ZNF71: variants seen among roughly 807,000 people sequenced by gnomAD.
ZNF71 encodes the protein zinc finger protein 71, also known as endothelial zinc finger protein induced by tumor necrosis factor alpha.
A neutral mutation model predicts 6.7 loss-of-function variants in ZNF71; 3 were observed. The ratio of observed to expected loss-of-function variants is 0.45; its 90% CI spans 0.20 to 1.16. The LOEUF is 1.16. ZNF71 is among the 50% of genes most tolerant of loss of function. The pLI is 0.25. For missense variants in ZNF71, 688 were observed against 728.6 expected, an observed-to-expected ratio of 0.94 and a Z score of 0.64; for synonymous variants, 343 against 311.1, an observed-to-expected ratio of 1.10 and a Z score of -1.08.
rs770620543 is a variant in ZNF71 at position 56,622,451 on chromosome 19, G to A, written c.1344G>A (p.Lys448=). 3 of 1,611,344 alleles carry A rather than the reference G, an allele frequency of 1.9e-6. No homozygotes were observed. The highest frequency in any genetic ancestry group is 2.2e-5 in the East Asian group (1 of 44,688). The change falls in exon 4 of 4, where the codon AAG becomes AAA. Residue 448 remains lysine, a synonymous_variant. Coordinates refer to ENST00000599599, the MANE Select transcript of ZNF71 (RefSeq NM_001370215.1). ...AGCCCTACGAGTGCTACATCTGCAA[G>A]AAGCACTTCACGGGGCGCTCGTCCC... is the stretch of plus-strand genomic sequence containing the variant. ...GEKPYECYIC[K]KHFTGRSSLI...
At chr19:56,621,217 C>T (rs1363830837) in intron 3 of ZNF71, 51 bp from the exon 4 acceptor site, 51 of 1,500,582 alleles carry the variant, frequency 3.4e-5, no homozygotes, top group Non-Finnish European at 3.8e-5. Flanking sequence ...TTCCTCACTC[C>T]CAGCATCTTT....
rs946092421 is a variant in ZNF71, at chr19:56,618,980, G to A, written c.161-2288G>A. Among the ~76,000 whole-genome samples the A allele has an allele frequency of 1.4e-4, 21 of 152,250 alleles. No homozygotes were observed. Among genetic ancestry groups the A allele is most frequent in the African/African-American group, 3.9e-4 (16 of 41,530 alleles). ...GCTGTCGCATTTCAGGCAAGGACCCGTGGTGGCCAGCCGGCTTTTTGTCAG... is the reference window on the plus strand; with the variant it reads ...GCTGTCGCATTTCAGGCAAGGACCCATGGTGGCCAGCCGGCTTTTTGTCAG... On this transcript the variant is annotated intron_variant, in intron 3 of 3. Transcript: ENST00000599599. This position sits in a 1 kb window ranked among gnomAD's most constrained non-coding sequence, Gnocchi z 4.6.
chr19:56,601,789 T>A (rs1295087565), intron 2 of ZNF71, among the ~76,000 whole-genome samples, 198 bp downstream of exon 2: 4 of 152,130 alleles, frequency 2.6e-5, no homozygotes, highest in South Asian at 4.1e-4. Context: ...AGCTTTGGAA[T>A]GGCCAAACTA....
At chr19:56,621,220 GCATCTTTAA>G in intron 3 of ZNF71, 39 bp from the exon 4 acceptor site, 4 of 1,505,150 alleles carry the variant, frequency 2.7e-6, no homozygotes, top group Non-Finnish European at 8.9e-7. Context: ...CTCACTCCCA[GCATCTTTAA>G]CTACATGTAT....
intron 2 of ZNF71, among the ~76,000 whole-genome samples, chr19:56,610,696 A>G (rs1444316708): frequency 6.6e-6 from 1 of 152,258 alleles, no homozygotes; most frequent in East Asian, 1.9e-4. Context: ...CACTCCATAG[A>G]CATTGTCCCA....
intron 2 of ZNF71, among the ~76,000 whole-genome samples, 164 bp downstream of exon 2, chr19:56,601,755 G>T (rs2044672427): frequency 6.6e-6 from 1 of 152,090 alleles, no homozygotes; most frequent in African/African-American, 2.4e-5. Flanking sequence ...CCCTGGCTGT[G>T]GGGTCAGTTG....
At chr19:56,612,223 A>G (rs1016529656) in intron 2 of ZNF71, among the ~76,000 whole-genome samples, 3 of 152,230 alleles carry the variant, frequency 2.0e-5, no homozygotes, top group African/African-American at 4.8e-5. Context: ...ATAAGTATTT[A>G]TATCAAAAAG....
intron 2 of ZNF71, among the ~76,000 whole-genome samples, chr19:56,612,163 T>C (rs1169927447): frequency 2.0e-5 from 3 of 152,128 alleles, no homozygotes; most frequent in Non-Finnish European, 1.5e-5. Context: ...TAAAAGTAGA[T>C]CTCCCATTTG....
At chr19:56,615,708 C>T (rs769000646) in intron 3 of ZNF71, among the ~76,000 whole-genome samples, 12 of 152,022 alleles carry the variant, frequency 7.9e-5, no homozygotes, top group Non-Finnish European at 1.2e-4. Flanking sequence ...AGATATATGC[C>T]GTGCAAATAT....
intron 3 of ZNF71, among the ~76,000 whole-genome samples, chr19:56,619,044 G>A (rs534954905): frequency 3.9e-5 from 6 of 152,252 alleles, no homozygotes; most frequent in Non-Finnish European, 5.9e-5. Context: ...GGCTGTTTGC[G>A]CACAGCAATG....
chr19:56,619,136 T>C (rs2044822230), intron 3 of ZNF71, among the ~76,000 whole-genome samples: 2 of 152,238 alleles, frequency 1.3e-5, no homozygotes, highest in Admixed American at 6.5e-5. Flanking sequence ...TTTTAAATTT[T>C]ATATTTAAAA....
chr19:56,621,640 G>C lies in ZNF71; in HGVS notation c.533G>C (p.Ser178Thr). ...AACTTCTCCAGCACTTCAGACCTCA[G>C]TAAGCCCCCCATGCCCTGCGAGGAG... Reference protein sequence around the residue: ...GKNFSSTSDLSKPPMPCEEKK... With the variant: ...GKNFSSTSDLTKPPMPCEEKK... The change falls in exon 4 of 4, where the codon AGT becomes ACT. Residue 178 changes from serine to threonine, a missense_variant. Physicochemically the swap from Ser to Thr is moderately conservative, Grantham distance 58. Coordinates refer to ENST00000599599, the MANE Select transcript of ZNF71 (RefSeq NM_001370215.1). The C allele has an allele frequency of 6.2e-7, 1 of 1,614,234 alleles. No individual in the cohort carries two copies.
chr19:56,601,651 C>T (rs1363907504), intron 2 of ZNF71, 60 bp downstream of exon 2: 8 of 976,262 alleles, frequency 8.2e-6, no homozygotes, highest in Non-Finnish European at 9.7e-6. Context: ...TTGGGTGAGC[C>T]TCTGCTGCTC....
chr19:56,605,885 A>C lies in ZNF71; in HGVS notation c.33+4294A>C, dbSNP rs1024418846. ...CAAACTAAACTGCTCCTTGGCTGTG[A>C]TGCCAGCTAGATTGGTATTATACAT... On this transcript the variant is annotated intron_variant, in intron 2 of 3. Coordinates refer to ENST00000599599, the MANE Select transcript of ZNF71 (RefSeq NM_001370215.1). Among the ~76,000 whole-genome samples, 6 of 152,232 alleles carry C rather than the reference A, an allele frequency of 3.9e-5. No individual in the cohort carries two copies. In the East Asian group the frequency reaches 1.2e-3, roughly 29 times the overall value.
At chr19:56,601,674 A>G in intron 2 of ZNF71, 83 bp downstream of exon 2, 1 of 899,138 alleles carries the variant, frequency 1.1e-6, no homozygotes, top group Non-Finnish European at 1.3e-6. Flanking sequence ...ACCCTCTCCA[A>G]GGCCCCCAGT....
chr19:56,622,147 A>T lies in ZNF71; in HGVS notation c.1040A>T (p.Glu347Val), dbSNP rs748259634. Residue 347 changes from glutamate (E) to valine (V), a missense_variant, in exon 4 of 4, where the codon GAG becomes GTG. Physicochemically the swap from Glu to Val is moderately radical, Grantham distance 121. Transcript: ENST00000599599. ...RAFSQNMHLT[E>V]HQRTHTGEKP... The stretch of plus-strand genomic sequence containing the variant: ...TTCAGCCAGAACATGCACCTGACCG[A>T]GCACCAGCGCACGCACACCGGGGAG... The T allele has an allele frequency of 6.2e-7, 1 of 1,602,536 alleles. No homozygotes were observed. Among genetic ancestry groups the T allele is most frequent in the South Asian group, 1.1e-5 (1 of 90,494 alleles).
In ZNF71 at chr19:56,603,904, A is replaced by G; in HGVS notation, c.33+2313A>G. On this transcript the variant is annotated intron_variant, in intron 2 of 3. Transcript: ENST00000599599. This position sits in a 1 kb window ranked among gnomAD's most constrained non-coding sequence, Gnocchi z 4.6. ...GTTTGTGTCATTAGACAGGAAACCG[A>G]AAAAGATGGAGTACTAGAAAAAGGG... 6.6e-6 allele frequency among the ~76,000 whole-genome samples: 1 copy of G among 151,996 alleles called. No individual in the cohort carries two copies. The highest frequency in any genetic ancestry group is 2.4e-5 in the African/African-American group (1 of 41,344).
In ZNF71 at chr19:56,622,410, A is replaced by G. The variant is rs767713330; in HGVS notation, c.1303A>G (p.Ile435Val). 4.3e-6 allele frequency: 7 copies of G among 1,613,994 alleles called. No homozygotes were observed. Among genetic ancestry groups the G allele is most frequent in the Admixed American group, 1.7e-5 (1 of 60,012 alleles). The change falls in exon 4 of 4, where the codon ATC becomes GTC. Residue 435 changes from isoleucine to valine, a missense_variant. Coordinates refer to ENST00000599599, the MANE Select transcript of ZNF71 (RefSeq NM_001370215.1). ...CTCCTCGCTCACGCAGCACCAGCGC[A>G]TCCACACCGGCGAGAAGCCCTACGA... is the stretch of plus-strand genomic sequence containing the variant. ...KNSSLTQHQR[I>V]HTGEKPYECY...
At position 56,622,203 on chromosome 19, in the gene ZNF71, G is replaced by T. The variant is rs201233218; in HGVS notation, c.1096G>T (p.Ala366Ser). 2 of 1,613,444 alleles carry T rather than the reference G, an allele frequency of 1.2e-6. No individual in the cohort carries two copies. Among genetic ancestry groups the T allele is most frequent in the East Asian group, 4.5e-5 (2 of 44,766 alleles). The change falls in exon 4 of 4, where the codon GCC becomes TCC. Residue 366 changes from alanine to serine, a missense_variant. Physicochemically the swap from Ala to Ser is moderately conservative, Grantham distance 99 (BLOSUM62 1). Coordinates refer to ENST00000599599, the MANE Select transcript of ZNF71 (RefSeq NM_001370215.1). ...GTACGCCTGCAAGGAGTGCGGCAAGGCCTTCAACAAGAGCTCCTCGCTCAC... is the reference window on the plus strand; with the variant it reads ...GTACGCCTGCAAGGAGTGCGGCAAGTCCTTCAACAAGAGCTCCTCGCTCAC... ...KPYACKECGK[A>S]FNKSSSLTLH...
Sources: allele counts gnomAD v4.1 joint callset (sites outside exome capture counted in the v4.1 genomes callset), GRCh38; gene constraint gnomAD v4.1.1; non-coding constraint Gnocchi (gnomAD v3.1); transcripts MANE v1.5; gene names NCBI Gene and HGNC (gene_info 2026-07-23, HGNC 2026-07-21).